PDE1C: variants seen among roughly 807,000 people sequenced by gnomAD.
The protein encoded by PDE1C is dual specificity calcium/calmodulin-dependent 3',5'-cyclic nucleotide phosphodiesterase 1C.
A neutral mutation model predicts 93.1 loss-of-function variants in PDE1C; 62 were observed. That is an observed-to-expected ratio of 0.67 (90% CI 0.54 to 0.82). PDE1C has a LOEUF of 0.82. Ranked by LOEUF, PDE1C falls within the 40% of genes least tolerant of loss-of-function variation. The pLI, the probability that PDE1C is intolerant of heterozygous loss-of-function variation, is 0.00. For missense variants in PDE1C, 742 were observed against 884.6 expected, an observed-to-expected ratio of 0.84 and a Z score of 2.04; for synonymous variants, 325 against 310.1, an observed-to-expected ratio of 1.05 and a Z score of -0.50.
chr7:31,878,003 C>T lies in PDE1C; in HGVS notation c.459G>A (p.Leu153=), dbSNP rs756070682. ...CCTCAATAACAGCTGGTGGATAGCT[C>T]AGTCCAACCATGTTTGATGTCCGTC... ...MYRRTSNMVG[L]SYPPAVIEAL... The change falls in exon 5 of 18, where the codon CTG becomes CTA. Residue 153 remains leucine, a synonymous_variant. Coordinates refer to ENST00000396191, the MANE Select transcript of PDE1C (RefSeq NM_001191057.4). 7.4e-6 allele frequency: 12 copies of T among 1,612,962 alleles called. No homozygotes were observed. In the South Asian group the frequency reaches 1.3e-4, roughly 18 times the overall value.
chr7:32,105,428 T>G (rs933922069), intron 3 of PDE1C, among the ~76,000 whole-genome samples: 1 of 105,842 alleles, frequency 9.4e-6, no homozygotes, highest in Non-Finnish European at 2.6e-5. Flanking sequence ...GGTAAAAATC[T>G]GATGAAGAAT....
At chr7:31,767,684 T>C (rs1341214640) in intron 17 of PDE1C, among the ~76,000 whole-genome samples, 1 of 152,078 alleles carries the variant, frequency 6.6e-6, no homozygotes, top group Non-Finnish European at 1.5e-5. Flanking sequence ...TGTGACTGAG[T>C]GGGTTACAAA....
intron 16 of PDE1C, among the ~76,000 whole-genome samples, chr7:31,790,967 T>C (rs1397595398): frequency 1.3e-5 from 2 of 152,132 alleles, no homozygotes; most frequent in African/African-American, 4.8e-5. Context: ...CAATTGGTGT[T>C]GCATGCTCTG....
intron 5 of PDE1C, among the ~76,000 whole-genome samples, chr7:31,875,390 A>G (rs1796419355): frequency 6.6e-6 from 1 of 152,140 alleles, no homozygotes; most frequent in Non-Finnish European, 1.5e-5. Flanking sequence ...ATGTTAGGGA[A>G]GGCTTAGCTG....
chr7:31,891,173 G>A (rs151068952), intron 2 of PDE1C, among the ~76,000 whole-genome samples: 2 of 152,162 alleles, frequency 1.3e-5, no homozygotes, highest in Non-Finnish European at 2.9e-5. Context: ...GGACATGTGC[G>A]AGAGGTTTTT....
chr7:31,880,208 T>C (rs1244291508), intron 3 of PDE1C, among the ~76,000 whole-genome samples: 2 of 152,186 alleles, frequency 1.3e-5, no homozygotes, highest in East Asian at 1.9e-4. Context: ...TTTTATAACT[T>C]TCAAACGTAT....
intron 1 of PDE1C, among the ~76,000 whole-genome samples, chr7:32,415,954 G>C (rs1344655540): frequency 6.6e-6 from 1 of 152,228 alleles, no homozygotes; most frequent in Non-Finnish European, 1.5e-5. Flanking sequence ...ATTCTGAAAG[G>C]GGAGTGGCGG....
intron 2 of PDE1C, chr7:32,209,380 A>G: frequency 1.1e-6 from 1 of 923,648 alleles, no homozygotes; most frequent in South Asian, 1.7e-5. Context: ...CTGCATTACT[A>G]TTTTATTAAC....
chr7:31,685,314 T>C, the PDE1C span, among the ~76,000 whole-genome samples: 9 of 152,262 alleles, frequency 5.9e-5, no homozygotes, highest in African/African-American at 1.9e-4. Context: ...GGGAGGCTTG[T>C]GGTGACAGAA....
intron 6 of PDE1C, among the ~76,000 whole-genome samples, chr7:31,866,022 C>T (rs928369832): frequency 1.3e-5 from 2 of 152,090 alleles, no homozygotes; most frequent in African/African-American, 4.8e-5. Flanking sequence ...GTATAATATA[C>T]ATGCCTTCCT....
intron 1 of PDE1C, among the ~76,000 whole-genome samples, chr7:32,068,149 A>G (rs1028690912): frequency 9.2e-5 from 14 of 152,232 alleles, no homozygotes; most frequent in African/African-American, 3.1e-4. Context: ...ATATATTGGT[A>G]TGAAAATCCA....
At chr7:32,213,592 A>G (rs1806215764) in intron 1 of PDE1C, among the ~76,000 whole-genome samples, 1 of 152,208 alleles carries the variant, frequency 6.6e-6, no homozygotes, top group Admixed American at 6.5e-5. Context: ...CTGTTCGGAC[A>G]CACCCAGGCT....
At chr7:32,365,618 G>T (rs1784215759) in intron 1 of PDE1C, among the ~76,000 whole-genome samples, 1 of 152,018 alleles carries the variant, frequency 6.6e-6, no homozygotes, top group Non-Finnish European at 1.5e-5. Flanking sequence ...CCCATGGGCG[G>T]CTCCTGTGAG....
At chr7:31,862,982 T>A (rs1359451152) in intron 7 of PDE1C, among the ~76,000 whole-genome samples, 1 of 152,218 alleles carries the variant, frequency 6.6e-6, no homozygotes, top group African/African-American at 2.4e-5. Context: ...CTATTTTACA[T>A]GAATTTCAGA....
chr7:31,898,886 G>T (rs1256283304), intron 2 of PDE1C, among the ~76,000 whole-genome samples: 2 of 152,076 alleles, frequency 1.3e-5, no homozygotes, highest in African/African-American at 4.8e-5. Flanking sequence ...ATTTTGGAAA[G>T]GGCAGAAATA....
intron 8 of PDE1C, among the ~76,000 whole-genome samples, 185 bp from the exon 9 acceptor site, chr7:31,848,281 G>A (rs1007805463): frequency 6.6e-6 from 1 of 152,160 alleles, no homozygotes; most frequent in African/African-American, 2.4e-5. Context: ...TGTAGGGTAT[G>A]TTATATCAGT....
At chr7:31,754,354 T>C (rs1583928246) in intron 17 of PDE1C, among the ~76,000 whole-genome samples, 3 of 152,342 alleles carry the variant, frequency 2.0e-5, no homozygotes, top group East Asian at 1.9e-4. Flanking sequence ...GACATAGTCT[T>C]ACCATGCAAT....
rs1355675120 is a variant in PDE1C, at chr7:32,419,949, G to A, written c.310+7873C>T. Among the ~76,000 whole-genome samples, 4 of 150,234 alleles carry A rather than the reference G, an allele frequency of 2.7e-5. No individual in the cohort carries two copies. In the East Asian group the frequency reaches 8.0e-4, roughly 30 times the overall value. ...TTGTAAAAATGGGGTAATAGGCTGG[G>A]CATGGTGGCTCACACCTGTAATCCC... On this transcript the variant is annotated intron_variant, in intron 1 of 1. Coordinates refer to the PDE1C transcript ENST00000672256.
chr7:31,771,806 C>T (rs1795503379), intron 17 of PDE1C, among the ~76,000 whole-genome samples: 1 of 151,958 alleles, frequency 6.6e-6, no homozygotes, highest in Non-Finnish European at 1.5e-5. Flanking sequence ...GTAGAAGATA[C>T]TTGGTTTGGG....
Sources: gnomAD v4.1 joint callset for allele counts (sites outside exome capture counted in the v4.1 genomes callset) on GRCh38, gnomAD v4.1.1 for gene constraint, MANE v1.5 for transcripts, NCBI Gene and HGNC (gene_info 2026-07-23, HGNC 2026-07-21) for gene names.